Variants in CSMD3 observed in about 807,000 individuals in gnomAD.
CSMD3 encodes CUB and Sushi multiple domains 3.
Under a neutral mutation model 435.2 loss-of-function variants are expected in CSMD3, and 177 were observed. That is an observed-to-expected ratio of 0.41 (90% CI 0.36 to 0.46). The LOEUF is 0.46. Among genes scored for constraint, CSMD3 ranks in the 20% least tolerant of loss-of-function variants. CSMD3 has a pLI of 0.34. For synonymous variants in CSMD3, 1,656 were observed against 1,520.5 expected, an observed-to-expected ratio of 1.09 and a Z score of -2.07; for missense variants, 4,265 against 4,504.6, an observed-to-expected ratio of 0.95 and a Z score of 1.52.
At chr8:112,559,306 T>C (rs1828404247) in intron 24 of CSMD3, among the ~76,000 whole-genome samples, 2 of 151,890 alleles carry the variant, frequency 1.3e-5, no homozygotes, top group African/African-American at 4.8e-5. Context: ...TAAATAGATA[T>C]ATTTACATTA....
At chr8:112,995,465 T>G (rs1382437714) in intron 6 of CSMD3, among the ~76,000 whole-genome samples, 2 of 151,434 alleles carry the variant, frequency 1.3e-5, no homozygotes, top group Non-Finnish European at 3.0e-5. Flanking sequence ...AGAAATTTAT[T>G]TGAAGAGTTT....
intron 7 of CSMD3, among the ~76,000 whole-genome samples, chr8:112,957,323 G>C (rs2084057868): frequency 6.6e-6 from 1 of 152,176 alleles, no homozygotes; most frequent in Non-Finnish European, 1.5e-5. Context: ...TAGAGTTAAT[G>C]TTAAAATAAA....
intron 27 of CSMD3, among the ~76,000 whole-genome samples, chr8:112,538,623 C>G (rs926796799): frequency 6.6e-6 from 1 of 151,678 alleles, no homozygotes; most frequent in Non-Finnish European, 1.5e-5. Context: ...TATAAAATAC[C>G]TAGAAATAAA....
At chr8:113,326,687 C>T (rs2093986270) in intron 1 of CSMD3, among the ~76,000 whole-genome samples, 1 of 152,094 alleles carries the variant, frequency 6.6e-6, no homozygotes, top group Non-Finnish European at 1.5e-5. Flanking sequence ...AAATTATCTG[C>T]TACTATTAAG....
chr8:112,628,721 C>A (rs1466518820), intron 22 of CSMD3, among the ~76,000 whole-genome samples: 1 of 152,022 alleles, frequency 6.6e-6, no homozygotes, highest in Non-Finnish European at 1.5e-5. Context: ...AAAGGCAATT[C>A]AATATAGCAT....
At chr8:112,315,551 G>A (rs1197284719) in intron 47 of CSMD3, among the ~76,000 whole-genome samples, 5 of 151,824 alleles carry the variant, frequency 3.3e-5, no homozygotes, top group Non-Finnish European at 7.4e-5. Context: ...TTGTGCAGAA[G>A]TAAACCAATA....
chr8:113,202,940 CT>C lies in CSMD3; in HGVS notation c.515-29025del, dbSNP rs79976514. On this transcript the variant is annotated intron_variant, in intron 3 of 70. Coordinates refer to ENST00000297405, the MANE Select transcript of CSMD3 (RefSeq NM_198123.2). Reference sequence around the variant, plus strand: ...TATTTGGCACTTTGTTAGAACAAACCTAGTATTTGGCAATTTATGGAATTAC... The same window carrying C: ...TATTTGGCACTTTGTTAGAACAAACCAGTATTTGGCAATTTATGGAATTAC... 2.7e-4 allele frequency among the ~76,000 whole-genome samples: 41 copies of C among 152,182 alleles called. No homozygotes were observed. In the East Asian group the frequency reaches 7.9e-3, roughly 29 times the overall value.
intron 13 of CSMD3, among the ~76,000 whole-genome samples, chr8:112,796,749 C>T (rs1319819643): frequency 6.6e-6 from 1 of 151,924 alleles, no homozygotes; most frequent in Non-Finnish European, 1.5e-5. Context: ...TCCTTTTCAG[C>T]AAGACATTTA....
Position 112,267,934 on chromosome 8 carries a change from CA to C in CSMD3, c.9509-2345del, listed in dbSNP as rs956754402. On this transcript the variant is annotated intron_variant, in intron 59 of 70. Coordinates refer to ENST00000297405, the MANE Select transcript of CSMD3 (RefSeq NM_198123.2). Reference sequence around the variant, plus strand: ...CTACCAGCTTGTTTTCAGAGACAACCAAAAAAAAAAAGGCTTTTGGTTTTTT... The same window carrying C: ...CTACCAGCTTGTTTTCAGAGACAACCAAAAAAAAAAGGCTTTTGGTTTTTT... Among the ~76,000 whole-genome samples, 371 of 135,378 alleles carry C rather than the reference CA, an allele frequency of 2.7e-3. 2 individuals are homozygous for C. The highest frequency in any genetic ancestry group is 0.016 in the East Asian group (74 of 4,770). The allele number at this position is 135,378 out of a possible 152,430, so 88.8% of individuals were successfully genotyped here.
intron 32 of CSMD3, among the ~76,000 whole-genome samples, chr8:112,422,339 A>C (rs934356937): frequency 6.6e-6 from 1 of 152,234 alleles, no homozygotes; most frequent in Non-Finnish European, 1.5e-5. Flanking sequence ...AAATACACAC[A>C]TCATTTATAT....
intron 5 of CSMD3, among the ~76,000 whole-genome samples, chr8:113,090,736 C>A (rs924491658): frequency 1.3e-5 from 2 of 152,086 alleles, no homozygotes; most frequent in African/African-American, 4.8e-5. Flanking sequence ...AACAAGCCTG[C>A]TGTAGAAAAA....
At chr8:112,539,555 T>C (rs1477344039) in intron 27 of CSMD3, among the ~76,000 whole-genome samples, 1 of 152,090 alleles carries the variant, frequency 6.6e-6, no homozygotes, top group African/African-American at 2.4e-5. Flanking sequence ...GACAGTGTGA[T>C]ACTGACATAA....
At chr8:112,362,883 G>T (rs1827388565) in intron 38 of CSMD3, among the ~76,000 whole-genome samples, 1 of 151,966 alleles carries the variant, frequency 6.6e-6, no homozygotes, top group South Asian at 2.1e-4. Context: ...AGTTCTTAGA[G>T]ATTTTTCTTT....
chr8:113,135,255 A>C (rs2091388094), intron 4 of CSMD3, among the ~76,000 whole-genome samples: 1 of 152,000 alleles, frequency 6.6e-6, no homozygotes, highest in Non-Finnish European at 1.5e-5. Context: ...ATCATTTATA[A>C]ATTGCTGATA....
intron 20 of CSMD3, among the ~76,000 whole-genome samples, chr8:112,641,207 G>A (rs10105493): frequency 0.7 from 105,877 of 151,964 alleles, 36,976 homozygotes; most frequent in Middle Eastern, 0.79. Flanking sequence ...CAGCCGCTTT[G>A]TAAAAAGAAG....
chr8:112,885,964 T>C (rs1587577832), intron 10 of CSMD3, among the ~76,000 whole-genome samples: 1 of 151,700 alleles, frequency 6.6e-6, no homozygotes, highest in African/African-American at 2.4e-5. Flanking sequence ...TATATGACTA[T>C]CTTAAGGCAC....
chr8:113,328,031 A>G (rs2093996033), intron 1 of CSMD3, among the ~76,000 whole-genome samples: 1 of 152,038 alleles, frequency 6.6e-6, no homozygotes, highest in Non-Finnish European at 1.5e-5. Flanking sequence ...GCTAAGACAA[A>G]CTTGTAAATT....
At chr8:113,352,258 T>C (rs1275754228) in intron 1 of CSMD3, among the ~76,000 whole-genome samples, 2 of 151,852 alleles carry the variant, frequency 1.3e-5, no homozygotes, top group African/African-American at 2.4e-5. Flanking sequence ...ATGATGCGTA[T>C]GCCTGTAAGA....
At chr8:112,443,512 T>C (rs1285676030) in intron 32 of CSMD3, among the ~76,000 whole-genome samples, 1 of 152,190 alleles carries the variant, frequency 6.6e-6, no homozygotes, top group Non-Finnish European at 1.5e-5. Context: ...AAAATATTTA[T>C]CTTTACACTG....
Sources: gnomAD v4.1 joint callset for allele counts (sites outside exome capture counted in the v4.1 genomes callset) on GRCh38, gnomAD v4.1.1 for gene constraint, MANE v1.5 for transcripts, NCBI Gene and HGNC (gene_info 2026-07-23, HGNC 2026-07-21) for gene names.